Variants in ZSCAN21 observed in about 807,000 individuals in gnomAD.
ZSCAN21 encodes the protein zinc finger and SCAN domain-containing protein 21.
In ZSCAN21, 26 loss-of-function variants were observed where a neutral mutation model predicts 35.6. That is an observed-to-expected ratio of 0.73 (90% CI 0.54 to 1.01). The LOEUF is 1.01. ZSCAN21 is among the 50% of genes least tolerant of loss of function. ZSCAN21 has a pLI of 0.00. For synonymous variants in ZSCAN21, 219 were observed against 219.3 expected (o/e 1.00, Z 0.01); for missense variants, 593 against 587.1 (o/e 1.01, Z -0.10).
In ZSCAN21 at chr7:100,064,754, C is replaced by G. The variant is rs535406369; in HGVS notation, c.*137C>G. ...AACATCAGGGGATGCCTGAGGAGTG[C>G]GAGCTCCACAGCAACATGGCAGGCA... On this transcript the variant is annotated 3_prime_UTR_variant, in exon 4 of 4. Transcript: ENST00000292450. 1.9e-6 allele frequency: 3 copies of G among 1,613,920 alleles called. No individual in the cohort carries two copies. The East Asian group carries it at 6.7e-5, about 36-fold the overall frequency.
Position 100,052,962 on chromosome 7 carries a change from C to G in ZSCAN21, c.-97+3121C>G, listed in dbSNP as rs978730357. ...TGGCCAACATGGTGAAACCCCATCT[C>G]TACTAAAAATATAAAAATTAGCCGG... On this transcript the variant is annotated intron_variant, in intron 1 of 3. Transcript: ENST00000292450. Among the ~76,000 whole-genome samples, 10 of 151,896 alleles carry G rather than the reference C, an allele frequency of 6.6e-5. 1 individual carries two copies. Among genetic ancestry groups the G allele is most frequent in the Non-Finnish European group, 4.4e-5 (3 of 67,954 alleles).
rs1792132061 is a variant in ZSCAN21 at position 100,057,747 on chromosome 7, C to T, written c.449C>T (p.Ser150Phe). 3 of 1,613,972 alleles carry T rather than the reference C, an allele frequency of 1.9e-6. No homozygotes were observed. Among genetic ancestry groups the T allele is most frequent in the Non-Finnish European group, 2.5e-6 (3 of 1,179,970 alleles). The change falls in exon 3 of 4, where the codon TCC becomes TTC. Residue 150 changes from serine to phenylalanine, a missense_variant. Transcript: ENST00000292450. ...EQKPVWEKISSSGTAKESPSS... is the reference protein window; with the variant it reads ...EQKPVWEKISFSGTAKESPSS... ...AAACCGGTGTGGGAGAAGATATCCT[C>T]CTCAGGAACTGCAAAGGAATCCCCG...
intron 3 of ZSCAN21, among the ~76,000 whole-genome samples, chr7:100,063,275 A>T (rs1792428421): frequency 6.6e-6 from 1 of 152,170 alleles, no homozygotes; most frequent in African/African-American, 2.4e-5. Flanking sequence ...TTCACATCTT[A>T]ATAGCTTCGG....
intron 1 of ZSCAN21, among the ~76,000 whole-genome samples, chr7:100,051,282 C>CTTTTTCTTTTTTTTTTTTTTT (rs1791864100): frequency 2.9e-5 from 1 of 34,948 alleles, no homozygotes; most frequent in Non-Finnish European, 5.2e-5. Flanking sequence ...TAGGGATTTT[C>CTTTTTCTTTTTTTTTTTTTTT]TTTTTTTTTT....
At chr7:100,051,173 C>T (rs112286430) in intron 1 of ZSCAN21, among the ~76,000 whole-genome samples, 420 of 20,046 alleles carry the variant, frequency 0.021, 8 homozygotes, top group African/African-American at 0.076. Context: ...AGTGAAACTA[C>T]GTCTCAAAAA....
chr7:100,057,073 C>A lies in ZSCAN21; in HGVS notation c.67C>A (p.Pro23Thr), dbSNP rs368688492. ...TAGGCCTCCACAGGAGCAGGTGGGG[C>A]CTCTGATGGTAAAAGTCGAGGAGAA... Reference protein sequence around the residue: ...GPRPPQEQVGPLMVKVEEKEE... With the variant: ...GPRPPQEQVGTLMVKVEEKEE... The change falls in exon 2 of 4, where the codon CCT (proline) becomes ACT (threonine). Residue 23 changes from proline to threonine, a missense_variant. Coordinates refer to ENST00000292450, the MANE Select transcript of ZSCAN21 (RefSeq NM_145914.3). 2 of 1,613,892 alleles carry A rather than the reference C, an allele frequency of 1.2e-6. No individual in the cohort carries two copies. The highest frequency in any genetic ancestry group is 1.7e-6 in the Non-Finnish European group (2 of 1,180,006).
Position 100,056,922 on chromosome 7 carries a change from G to A in ZSCAN21, c.-85G>A. On this transcript the variant is annotated 5_prime_UTR_variant, in exon 2 of 4. Coordinates refer to ENST00000292450, the MANE Select transcript of ZSCAN21 (RefSeq NM_145914.3). ...CTATATTTTCTTAGGTTTAACTTGTGGCCCTAAAGAACTGGAAACCCAAAG... is the reference window on the plus strand; with the variant it reads ...CTATATTTTCTTAGGTTTAACTTGTAGCCCTAAAGAACTGGAAACCCAAAG... 1 of 1,354,818 alleles carries A rather than the reference G, an allele frequency of 7.4e-7. No homozygotes were observed. The highest frequency in any genetic ancestry group is 9.9e-7 in the Non-Finnish European group (1 of 1,006,274). 83.9% of individuals were successfully genotyped at this position (1,354,818 alleles called of 1,614,324 possible). A position where few individuals can be genotyped will look rare whatever the true frequency, so the allele number is the denominator to read the frequency against.
At chr7:100,056,088 C>T (rs1385240714) in intron 1 of ZSCAN21, among the ~76,000 whole-genome samples, 2 of 151,090 alleles carry the variant, frequency 1.3e-5, no homozygotes, top group Non-Finnish European at 2.9e-5. Context: ...TACAGGCACC[C>T]GCCACCACGC....
intron 3 of ZSCAN21, among the ~76,000 whole-genome samples, chr7:100,060,533 G>T (rs989173419): frequency 1.3e-5 from 2 of 151,996 alleles, no homozygotes; most frequent in Admixed American, 6.6e-5. Context: ...TTGCACTCCA[G>T]CCTGGCAACA....
At chr7:100,053,546 A>G (rs113697967) in intron 1 of ZSCAN21, among the ~76,000 whole-genome samples, 77 of 79,494 alleles carry the variant, frequency 9.7e-4, no homozygotes, top group Admixed American at 5.1e-3. Flanking sequence ...TACATACATA[A>G]TTTTTTTTTT....
intron 3 of ZSCAN21, 53 bp from the exon 4 acceptor site, chr7:100,063,735 C>A: frequency 2.0e-6 from 3 of 1,519,216 alleles, no homozygotes; most frequent in Non-Finnish European, 2.7e-6. Context: ...GTAACAGTTT[C>A]TTCCTCAGAA....
chr7:100,052,867 G>A (rs940521748), intron 1 of ZSCAN21, among the ~76,000 whole-genome samples: 10 of 152,068 alleles, frequency 6.6e-5, no homozygotes, highest in Admixed American at 3.9e-4. Context: ...GGTGGCTCAC[G>A]CCTGTAATCC....
At chr7:100,052,885 C>T (rs1449118405) in intron 1 of ZSCAN21, among the ~76,000 whole-genome samples, 1 of 151,998 alleles carries the variant, frequency 6.6e-6, no homozygotes, top group Non-Finnish European at 1.5e-5. Context: ...TCCCAGCACT[C>T]TGCGAGGCCG....
At chr7:100,052,014 G>A (rs1019257658) in intron 1 of ZSCAN21, among the ~76,000 whole-genome samples, 2 of 152,032 alleles carry the variant, frequency 1.3e-5, no homozygotes, top group Non-Finnish European at 2.9e-5. Flanking sequence ...CTGCAGCCCG[G>A]AACTCCTGAG....
chr7:100,060,508 G>A (rs1000174343), intron 3 of ZSCAN21, among the ~76,000 whole-genome samples: 1 of 152,080 alleles, frequency 6.6e-6, no homozygotes, highest in Admixed American at 6.6e-5. Flanking sequence ...ATTGCAGTGA[G>A]CCAAGATCGC....
At chr7:100,056,385 T>A (rs1180528957) in intron 1 of ZSCAN21, among the ~76,000 whole-genome samples, 1 of 152,210 alleles carries the variant, frequency 6.6e-6, no homozygotes, top group Non-Finnish European at 1.5e-5. Context: ...AAAGTTAACT[T>A]TAAAATTATG....
intron 3 of ZSCAN21, among the ~76,000 whole-genome samples, chr7:100,061,347 C>T (rs1792282302): frequency 6.6e-6 from 1 of 151,908 alleles, no homozygotes. Flanking sequence ...CATGGTAAAA[C>T]CCCATTTGTA....
At position 100,051,178 on chromosome 7, in the gene ZSCAN21, C is replaced by CAAAAAA. The variant is rs369246193; in HGVS notation, c.-97+1357_-97+1362dup. On this transcript the variant is annotated intron_variant, in intron 1 of 3. Transcript: ENST00000292450. ...GGGAAACAAGAGTGAAACTACGTCT[C>CAAAAAA]AAAAAAAAAAAAAAAAAAAAAAAAA... 9.9e-3 allele frequency among the ~76,000 whole-genome samples: 408 copies of CAAAAAA among 41,362 alleles called. 41 individuals carry two copies. The highest frequency in any genetic ancestry group is 0.017 in the African/African-American group (150 of 8,850). The allele number at this position is 41,362 out of a possible 152,430, so 27.1% of individuals were successfully genotyped here.
At position 100,057,343 on chromosome 7, in the gene ZSCAN21, G is replaced by A. The variant is rs575493636; in HGVS notation, c.337G>A (p.Ala113Thr). ...AWVQEHCPESAEEAVTLLEDL... is the reference protein window; with the variant it reads ...AWVQEHCPESTEEAVTLLEDL... ...GGTGCAGGAGCATTGCCCGGAGAGC[G>A]CTGAAGAGGCTGTCACTCTCCTCGA... Residue 113 changes from alanine to threonine, a missense_variant, in exon 2 of 4, where the codon GCT becomes ACT. Physicochemically the swap from Ala to Thr is moderately conservative, Grantham distance 58. Transcript: ENST00000292450. 3.4e-5 allele frequency: 54 copies of A among 1,597,464 alleles called. No individual in the cohort carries two copies. Among genetic ancestry groups the A allele is most frequent in the South Asian group, 3.0e-4 (27 of 88,808 alleles).
Sources: allele counts gnomAD v4.1 joint callset (sites outside exome capture counted in the v4.1 genomes callset), GRCh38; gene constraint gnomAD v4.1.1; transcripts MANE v1.5; gene names NCBI Gene and HGNC (gene_info 2026-07-23, HGNC 2026-07-21).